Variants in PROSER2 observed in about 807,000 individuals in gnomAD.
PROSER2 encodes proline and serine rich 2, also known as proline and serine-rich protein 2.
Under a neutral mutation model 14.6 loss-of-function variants are expected in PROSER2, and 18 were observed. That is an observed-to-expected ratio of 1.23 (90% CI 0.85 to 1.83). The LOEUF (loss-of-function observed/expected upper bound fraction) is 1.83, where lower values mean the gene tolerates loss of function less well. PROSER2 is among the 40% of genes most tolerant of loss of function. The probability of loss-of-function intolerance (pLI) is 0.00; values close to 1 mark genes in which losing one functional copy is unlikely to be tolerated. For synonymous variants in PROSER2, 367 were observed against 286.4 expected (o/e 1.28, Z -2.84); for missense variants, 823 against 629.8 (o/e 1.31, Z -3.28).
rs182739212 is a variant in PROSER2, at chr10:11,866,821, C to T, written c.391+38C>T. ...ACAGGCCATCCCTGGGATGTGGTTT[C>T]CTGGTGTCTGTGAGACCCAGAGATA... On this transcript the variant is annotated intron_variant, in intron 3 of 3. Coordinates refer to ENST00000277570, the MANE Select transcript of PROSER2 (RefSeq NM_153256.4). The surrounding 1 kb of genome is among the most constrained non-coding windows in gnomAD (Gnocchi z 6.0). The T allele has an allele frequency of 1.3e-5, 21 of 1,590,020 alleles. No homozygotes were observed. The East Asian group carries it at 3.8e-4, about 29-fold the overall frequency.
intron 2 of PROSER2, among the ~76,000 whole-genome samples, chr10:11,857,829 G>T (rs1243221359): frequency 6.6e-6 from 1 of 151,916 alleles, no homozygotes; most frequent in East Asian, 1.9e-4. Context: ...TCGGAAGAGA[G>T]ACTCTAAGTG....
intron 1 of PROSER2, among the ~76,000 whole-genome samples, chr10:11,829,985 A>G (rs536592519): frequency 3.6e-4 from 54 of 151,988 alleles, no homozygotes; most frequent in Admixed American, 3.5e-3. Context: ...CTGGGACTAC[A>G]GGCGTGTGCC....
rs552442368 is a variant in PROSER2, at chr10:11,843,037, T to C, written c.-81-8960T>C. On this transcript the variant is annotated intron_variant, in intron 1 of 3. Transcript: ENST00000277570. ...CTCACTGCAAGTTCCGCCTCCTGGG[T>C]TTACACCATTCTCCTGCCTCAGCCT... Among the ~76,000 whole-genome samples the C allele has an allele frequency of 4.8e-4, 69 of 144,460 alleles. 1 individual carries two copies. Among genetic ancestry groups the C allele is most frequent in the South Asian group, 3.5e-3 (16 of 4,510 alleles). 94.8% of individuals were successfully genotyped at this position (144,460 alleles called of 152,430 possible). A position where few individuals can be genotyped will look rare whatever the true frequency, so the allele number is the denominator to read the frequency against.
At position 11,870,217 on chromosome 10, in the gene PROSER2, C is replaced by G; in HGVS notation, c.1119C>G (p.Ala373=). 1 of 1,491,790 alleles carries G rather than the reference C, an allele frequency of 6.7e-7. No homozygotes were observed. The highest frequency in any genetic ancestry group is 1.2e-5 in the South Asian group (1 of 80,342). The allele number at this position is 1,491,790 out of a possible 1,614,324, so 92.4% of individuals were successfully genotyped here. Residue 373 remains alanine (A), a synonymous_variant, in exon 4 of 4, where the codon GCC becomes GCG. Coordinates refer to ENST00000277570, the MANE Select transcript of PROSER2 (RefSeq NM_153256.4). ...CCCTCTGCTTCCGCCCTGGCCCGGC[C>G]CTGCCCAGCACGCGGGCCCGTCAGA... ...GKSLCFRPGP[A]LPSTRARQSF...
chr10:11,825,884 A>G (rs2131041186), intron 1 of PROSER2, among the ~76,000 whole-genome samples: 1 of 152,322 alleles, frequency 6.6e-6, no homozygotes, highest in African/African-American at 2.4e-5. Context: ...TTATAGTCAA[A>G]TACATAGAAC....
rs1160036296 is a variant in PROSER2, at chr10:11,871,325, G to A, written c.*919G>A. ...TAGTATGGAAGTGTCTTAAGGACAC[G>A]TCTCCATGATATTTTGGTGAACCAA... On this transcript the variant is annotated 3_prime_UTR_variant, in exon 4 of 4. Coordinates refer to ENST00000277570, the MANE Select transcript of PROSER2 (RefSeq NM_153256.4). The A allele has an allele frequency of 6.6e-6, 1 of 152,172 alleles. No homozygotes were observed. Among genetic ancestry groups the A allele is most frequent in the Non-Finnish European group, 1.5e-5 (1 of 68,026 alleles). The allele number at this position is 152,172 out of a possible 1,614,324, so 9.4% of individuals were successfully genotyped here.
At chr10:11,840,246 C>G (rs1218703889) in intron 1 of PROSER2, among the ~76,000 whole-genome samples, 12 of 149,800 alleles carry the variant, frequency 8.0e-5, no homozygotes, top group Non-Finnish European at 1.5e-4. Flanking sequence ...AGCCACCACG[C>G]TGTCCTCATT....
At position 11,869,606 on chromosome 10, in the gene PROSER2, C is replaced by T. The variant is rs748090318; in HGVS notation, c.508C>T (p.Pro170Ser). ...ACCACCCCTGCCTAGCACCCCCGAT[C>T]CCCCCAGGAGGGAGCTGCGCGCCCC... ...APPPLPSTPD[P>S]PRRELRAPSP... is the part of the protein sequence containing the mutation. The change falls in exon 4 of 4, where the codon CCC becomes TCC. Residue 170 changes from proline to serine, a missense_variant. Coordinates refer to ENST00000277570, the MANE Select transcript of PROSER2 (RefSeq NM_153256.4). This position sits in a 1 kb window ranked among gnomAD's most constrained non-coding sequence, Gnocchi z 4.4. 1 of 1,602,604 alleles carries T rather than the reference C, an allele frequency of 6.2e-7. No individual in the cohort carries two copies. The highest frequency in any genetic ancestry group is 8.5e-7 in the Non-Finnish European group (1 of 1,171,716).
At chr10:11,829,976 T>A (rs1350409337) in intron 1 of PROSER2, among the ~76,000 whole-genome samples, 4 of 151,718 alleles carry the variant, frequency 2.6e-5, no homozygotes, top group African/African-American at 9.7e-5. Flanking sequence ...CCGGAGTATC[T>A]GGGACTACAG....
At position 11,871,179 on chromosome 10, in the gene PROSER2, T is replaced by C. The variant is rs1339445087; in HGVS notation, c.*773T>C. 1 of 152,222 alleles carries C rather than the reference T, an allele frequency of 6.6e-6. No individual in the cohort carries two copies. Among genetic ancestry groups the C allele is most frequent in the African/African-American group, 2.4e-5 (1 of 41,450 alleles). The allele number at this position is 152,222 out of a possible 1,614,324, so 9.4% of individuals were successfully genotyped here. On this transcript the variant is annotated 3_prime_UTR_variant, in exon 4 of 4. Coordinates refer to ENST00000277570, the MANE Select transcript of PROSER2 (RefSeq NM_153256.4). Reference sequence around the variant, plus strand: ...CCTGTGTGTCCACATGCATCATTATTATATAAATAGAAACTTCTGAACACC... The same window carrying C: ...CCTGTGTGTCCACATGCATCATTATCATATAAATAGAAACTTCTGAACACC...
At chr10:11,864,671 C>G (rs1441463834) in intron 2 of PROSER2, among the ~76,000 whole-genome samples, 1 of 151,644 alleles carries the variant, frequency 6.6e-6, no homozygotes, top group Admixed American at 6.6e-5. Context: ...TCACTGCAAC[C>G]TCTGCCTCCC....
intron 2 of PROSER2, among the ~76,000 whole-genome samples, chr10:11,858,278 G>A (rs1458402638): frequency 6.6e-6 from 1 of 152,128 alleles, no homozygotes; most frequent in Non-Finnish European, 1.5e-5. Flanking sequence ...CGTATTTTAA[G>A]CCTTCTCAGC....
At chr10:11,864,554 A>G (rs1342063833) in intron 2 of PROSER2, among the ~76,000 whole-genome samples, 1 of 151,910 alleles carries the variant, frequency 6.6e-6, no homozygotes, top group Non-Finnish European at 1.5e-5. Flanking sequence ...TACGTAACTT[A>G]GGCAGTTATC....
At chr10:11,846,192 G>A (rs1833921251) in intron 1 of PROSER2, among the ~76,000 whole-genome samples, 1 of 152,052 alleles carries the variant, frequency 6.6e-6, no homozygotes, top group African/African-American at 2.4e-5. Context: ...TTACCATGTT[G>A]GCTAGGCTGG....
rs1055367414 is a variant in PROSER2 at position 11,866,528 on chromosome 10, T to G, written c.139-3T>G. 1.3e-5 allele frequency: 21 copies of G among 1,613,900 alleles called. No individual in the cohort carries two copies. In the Admixed American group the frequency reaches 1.5e-4, roughly 12 times the overall value. Reference sequence around the variant, plus strand: ...TCTTCTGTTCCCAATCCCTGTACTCTAGGATGATGAGAGCCTGAAGTACCT... The same window carrying G: ...TCTTCTGTTCCCAATCCCTGTACTCGAGGATGATGAGAGCCTGAAGTACCT... On this transcript the variant is annotated splice_region_variant and splice_polypyrimidine_tract_variant and intron_variant, in intron 2 of 3. Transcript: ENST00000277570. The surrounding 1 kb of genome is among the most constrained non-coding windows in gnomAD (Gnocchi z 6.0).
chr10:11,858,558 C>T (rs1253824226), intron 2 of PROSER2, among the ~76,000 whole-genome samples: 1 of 152,126 alleles, frequency 6.6e-6, no homozygotes, highest in East Asian at 1.9e-4. Flanking sequence ...TTAGTATGTT[C>T]AGCATTTTGA....
chr10:11,847,822 T>C (rs1348003817), intron 1 of PROSER2, among the ~76,000 whole-genome samples: 1 of 152,256 alleles, frequency 6.6e-6, no homozygotes, highest in African/African-American at 2.4e-5. Flanking sequence ...CGTGGATTCT[T>C]TCTCTTTGAT....
intron 1 of PROSER2, among the ~76,000 whole-genome samples, chr10:11,847,002 T>G (rs895173101): frequency 8.6e-5 from 13 of 151,886 alleles, no homozygotes; most frequent in Non-Finnish European, 1.6e-4. Context: ...TCCTCCCACC[T>G]CGGCCTCCCA....
chr10:11,854,864 T>G (rs1453247528), intron 2 of PROSER2, among the ~76,000 whole-genome samples: 1 of 152,154 alleles, frequency 6.6e-6, no homozygotes, highest in African/African-American at 2.4e-5. Context: ...AAGTGTAAAT[T>G]CTGAGAGTAG....
Sources: allele counts gnomAD v4.1 joint callset (sites outside exome capture counted in the v4.1 genomes callset), GRCh38; gene constraint gnomAD v4.1.1; non-coding constraint Gnocchi (gnomAD v3.1); transcripts MANE v1.5; gene names NCBI Gene and HGNC (gene_info 2026-07-23, HGNC 2026-07-21).